The following RASA2 variants were observed in gnomAD, a reference collection of about 807,000 sequenced individuals.
RASA2 encodes RAS p21 protein activator 2, also known as ras GTPase-activating protein 2.
RASA2 carries 155 observed loss-of-function variants against 118.2 expected under a neutral mutation model. That is an observed-to-expected ratio of 1.31 (90% CI 1.15 to 1.50). The LOEUF (loss-of-function observed/expected upper bound fraction) is 1.50, where lower values mean the gene tolerates loss of function less well. RASA2 is among the 40% of genes most tolerant of loss of function. The pLI, the probability that RASA2 is intolerant of heterozygous loss-of-function variation, is 0.00. For synonymous variants in RASA2, 353 were observed against 349.1 expected, an observed-to-expected ratio of 1.01 and a Z score of -0.12; for missense variants, 1,016 against 1,009.6, an observed-to-expected ratio of 1.01 and a Z score of -0.09.
intron 3 of RASA2, 148 bp downstream of exon 3, chr3:141,516,579 A>C: frequency 1.5e-6 from 1 of 666,286 alleles, no homozygotes. Flanking sequence ...GTGAAATTTC[A>C]TTTTTAATTT....
chr3:141,599,702 T>A (rs1406491580), intron 19 of RASA2, among the ~76,000 whole-genome samples: 1 of 152,074 alleles, frequency 6.6e-6, no homozygotes, highest in Non-Finnish European at 1.5e-5. Flanking sequence ...ATACATGACC[T>A]CCTTATGTGA....
chr3:141,586,652 GT>G lies in RASA2; in HGVS notation c.1834del (p.Tyr612IlefsTer22). The G allele has an allele frequency of 1.9e-6, 3 of 1,604,968 alleles. No individual in the cohort carries two copies. Among genetic ancestry groups the G allele is most frequent in the Non-Finnish European group, 2.6e-6 (3 of 1,172,228 alleles). ...ACATCTGTTATGTTGGCAGTGAGAT[GT>G]ATAAAAGAGCTCAAGGAAGAACTCG... ...EPVHLKEGEM[Y>X]KRAQGRTRIG... On this transcript the variant is annotated frameshift_variant, in exon 19 of 24. Transcript: ENST00000286364. LOFTEE classifies it high-confidence loss of function.
intron 4 of RASA2, among the ~76,000 whole-genome samples, chr3:141,532,134 G>A (rs1560012887): frequency 6.6e-6 from 1 of 151,940 alleles, no homozygotes; most frequent in African/African-American, 2.4e-5. Context: ...AGCATTATGA[G>A]GTAAATAGCA....
At chr3:141,588,494 C>A (rs751447122) in intron 19 of RASA2, among the ~76,000 whole-genome samples, 25 of 152,306 alleles carry the variant, frequency 1.6e-4, no homozygotes, top group Non-Finnish European at 1.6e-4. Flanking sequence ...GTCTGTTAAT[C>A]TATCAAATCT....
intron 4 of RASA2, among the ~76,000 whole-genome samples, chr3:141,538,100 A>AACAC (rs60054807): frequency 0.076 from 10,320 of 136,572 alleles, 419 homozygotes; most frequent in Admixed American, 0.14. Flanking sequence ...CAAAAAACAA[A>AACAC]ACACACACAC....
At chr3:141,547,939 G>A (rs1389035464) in intron 5 of RASA2, among the ~76,000 whole-genome samples, 1 of 152,124 alleles carries the variant, frequency 6.6e-6, no homozygotes, top group Non-Finnish European at 1.5e-5. Flanking sequence ...CAGTTGAAAT[G>A]ATCATATGGT....
chr3:141,611,131 A>G (rs2083645082), intron 23 of RASA2, among the ~76,000 whole-genome samples: 1 of 152,202 alleles, frequency 6.6e-6, no homozygotes, highest in Non-Finnish European at 1.5e-5. Flanking sequence ...GAGGTGGCTT[A>G]AACAATAAAA....
chr3:141,594,726 G>C (rs2107786308), intron 19 of RASA2, among the ~76,000 whole-genome samples: 1 of 152,256 alleles, frequency 6.6e-6, no homozygotes, highest in South Asian at 2.1e-4. Flanking sequence ...AGCTGAGAGA[G>C]ACTCCATTGT....
intron 19 of RASA2, among the ~76,000 whole-genome samples, 174 bp from the exon 20 acceptor site, chr3:141,607,504 A>G (rs1393904871): frequency 2.0e-5 from 3 of 152,170 alleles, no homozygotes; most frequent in African/African-American, 7.2e-5. Context: ...GACAATCAAA[A>G]TTCATCTGTT....
intron 1 of RASA2, 87 bp from the exon 2 acceptor site, chr3:141,512,076 T>G (rs2081959911): frequency 1.2e-6 from 1 of 854,462 alleles, no homozygotes; most frequent in African/African-American, 1.8e-5. Flanking sequence ...CATTAATATG[T>G]TCTTTCAGAT....
intron 4 of RASA2, among the ~76,000 whole-genome samples, chr3:141,534,571 G>C (rs2082302242): frequency 6.8e-6 from 1 of 147,940 alleles, no homozygotes; most frequent in Non-Finnish European, 1.5e-5. Flanking sequence ...CATGCCATAA[G>C]TTATTGATTG....
chr3:141,497,662 G>A (rs1287270390), intron 1 of RASA2, among the ~76,000 whole-genome samples: 1 of 150,060 alleles, frequency 6.7e-6, no homozygotes, highest in Non-Finnish European at 1.5e-5. Context: ...AGGAGTTTGA[G>A]ACCAGCCTGG....
At chr3:141,549,205 G>A (rs1229532361) in intron 5 of RASA2, among the ~76,000 whole-genome samples, 5 of 152,126 alleles carry the variant, frequency 3.3e-5, no homozygotes, top group South Asian at 2.1e-4. Context: ...TCTTCCATCT[G>A]AGCTCTGGAT....
chr3:141,602,067 A>T (rs558539896), intron 19 of RASA2, among the ~76,000 whole-genome samples: 1 of 152,300 alleles, frequency 6.6e-6, no homozygotes, highest in African/African-American at 2.4e-5. Context: ...ATTTAGAGTA[A>T]CTGCTTTGAA....
At chr3:141,520,127 C>T (rs1450774051) in intron 3 of RASA2, among the ~76,000 whole-genome samples, 2 of 150,138 alleles carry the variant, frequency 1.3e-5, no homozygotes, top group African/African-American at 4.9e-5. Context: ...GATTCTCCTG[C>T]CTTAGCCTCC....
chr3:141,518,689 C>T (rs1034396560), intron 3 of RASA2, among the ~76,000 whole-genome samples: 1 of 151,520 alleles, frequency 6.6e-6, no homozygotes, highest in Non-Finnish European at 1.5e-5. Flanking sequence ...AATTTGCCAA[C>T]ATCATTTTAA....
rs145140585 is a variant in RASA2, at chr3:141,528,791, C to T, written c.356-917C>T. 4.3e-3 allele frequency among the ~76,000 whole-genome samples: 656 copies of T among 151,922 alleles called. 5 individuals carry two copies. Among genetic ancestry groups the T allele is most frequent in the African/African-American group, 0.015 (627 of 41,492 alleles). On this transcript the variant is annotated intron_variant, in intron 3 of 23. Transcript: ENST00000286364. ...TTTCTTAAAGTTTTCAAATGTTGAACTAAAAGACCAAGGTATATCATAAGT... is the reference window on the plus strand; with the variant it reads ...TTTCTTAAAGTTTTCAAATGTTGAATTAAAAGACCAAGGTATATCATAAGT...
intron 2 of RASA2, among the ~76,000 whole-genome samples, chr3:141,513,096 C>T (rs1403411043): frequency 6.9e-6 from 1 of 144,782 alleles, no homozygotes; most frequent in Non-Finnish European, 1.5e-5. Flanking sequence ...AAACGAAAAA[C>T]AGGGTGTGGG....
chr3:141,511,845 AT>A (rs774923881), intron 1 of RASA2, among the ~76,000 whole-genome samples: 1 of 152,120 alleles, frequency 6.6e-6, no homozygotes, highest in Non-Finnish European at 1.5e-5. Context: ...GGAAAGAAAG[AT>A]TAATTGTGGA....
Sources: allele counts gnomAD v4.1 joint callset (sites outside exome capture counted in the v4.1 genomes callset), GRCh38; gene constraint gnomAD v4.1.1; transcripts MANE v1.5; gene names NCBI Gene and HGNC (gene_info 2026-07-23, HGNC 2026-07-21).